Variants in TRPM3 observed in about 807,000 individuals in gnomAD.
TRPM3 encodes transient receptor potential cation channel subfamily M member 3, also known as long transient receptor potential channel 3.
Under a neutral mutation model 181.2 loss-of-function variants are expected in TRPM3, and 77 were observed. The ratio of observed to expected loss-of-function variants is 0.42; its 90% confidence interval spans 0.35 to 0.51. The LOEUF is 0.51. Among genes scored for constraint, TRPM3 ranks in the 20% least tolerant of loss-of-function variants. The probability of loss-of-function intolerance (pLI) is 0.01; values close to 1 mark genes in which losing one functional copy is unlikely to be tolerated. For missense variants in TRPM3, 1,759 were observed against 2,196.7 expected (o/e 0.80, Z 3.98); for synonymous variants, 745 against 796.4 (o/e 0.94, Z 1.09).
intron 1 of TRPM3, among the ~76,000 whole-genome samples, chr9:71,300,021 C>A (rs2086634104): frequency 6.6e-6 from 1 of 152,032 alleles, no homozygotes; most frequent in East Asian, 1.9e-4. Flanking sequence ...GATAGCATAA[C>A]CCATATGTAA....
At position 70,598,669 on chromosome 9, in the gene TRPM3, A is replaced by G; in HGVS notation, c.2798T>C (p.Ile933Thr). The change falls in exon 21 of 26, where the codon ATT (isoleucine) becomes ACT (threonine). Residue 933 changes from isoleucine to threonine, a missense_variant and splice_region_variant. This residue lies in a region of TRPM3 where 100 missense variants were observed against 123.0 expected (regional missense o/e 0.81). Transcript: ENST00000677713. ...FTLGIEKMREILMSEPGKLLQ... is the reference protein window; with the variant it reads ...FTLGIEKMRETLMSEPGKLLQ... ...CAACTTCCCTGGCTCTGACATCAGAATCTATAAGGCAGGAAGGAGAGCAGA... is the reference window on the plus strand; with the variant it reads ...CAACTTCCCTGGCTCTGACATCAGAGTCTATAAGGCAGGAAGGAGAGCAGA... The G allele has an allele frequency of 2.5e-6, 4 of 1,613,680 alleles. No individual in the cohort carries two copies. The highest frequency in any genetic ancestry group is 3.4e-6 in the Non-Finnish European group (4 of 1,179,680).
intron 1 of TRPM3, among the ~76,000 whole-genome samples, chr9:71,262,178 C>T (rs1260588128): frequency 1.3e-5 from 2 of 152,210 alleles, no homozygotes; most frequent in Admixed American, 1.3e-4. Context: ...GATACCCAGA[C>T]TGGGGCTGCT....
intron 1 of TRPM3, among the ~76,000 whole-genome samples, chr9:71,188,836 C>T (rs1000352156): frequency 3.3e-5 from 5 of 151,836 alleles, no homozygotes; most frequent in South Asian, 4.2e-4. Flanking sequence ...ATATCTATCT[C>T]TTAAAATTGA....
chr9:70,658,281 C>T (rs1293191243), intron 9 of TRPM3, among the ~76,000 whole-genome samples: 1 of 152,020 alleles, frequency 6.6e-6, no homozygotes, highest in East Asian at 1.9e-4. Flanking sequence ...TTACAATGAC[C>T]TGTGATATCA....
At chr9:70,578,637 G>C (rs13301601) in intron 22 of TRPM3, among the ~76,000 whole-genome samples, 7,120 of 152,308 alleles carry the variant, frequency 0.047, 314 homozygotes, top group East Asian at 0.15. Flanking sequence ...ACCCTGTAAG[G>C]GATGATCAAT....
chr9:70,642,006 C>T (rs1268606563), intron 9 of TRPM3, among the ~76,000 whole-genome samples: 3 of 152,198 alleles, frequency 2.0e-5, no homozygotes, highest in African/African-American at 7.2e-5. Flanking sequence ...ACAGGTTTTT[C>T]ACAGTTCACC....
intron 1 of TRPM3, among the ~76,000 whole-genome samples, chr9:71,370,335 T>G (rs937952417): frequency 7.2e-5 from 11 of 152,292 alleles, no homozygotes; most frequent in African/African-American, 2.6e-4. Context: ...AAGCTAGGCC[T>G]CCTGGCCAGT....
intron 1 of TRPM3, among the ~76,000 whole-genome samples, chr9:70,945,047 T>G (rs1040914541): frequency 6.6e-6 from 1 of 152,234 alleles, no homozygotes; most frequent in African/African-American, 2.4e-5. Flanking sequence ...AAAGCCATCA[T>G]GACTAATTAA....
intron 1 of TRPM3, among the ~76,000 whole-genome samples, chr9:71,270,193 T>G (rs544264715): frequency 6.6e-6 from 1 of 152,068 alleles, no homozygotes; most frequent in Non-Finnish European, 1.5e-5. Context: ...CTACTAAAAA[T>G]GCAAAAATTA....
chr9:70,791,691 T>C (rs1465385080), intron 6 of TRPM3, among the ~76,000 whole-genome samples: 1 of 152,158 alleles, frequency 6.6e-6, no homozygotes, highest in Non-Finnish European at 1.5e-5. Flanking sequence ...ACTGAAAATA[T>C]AGAGTTTGGA....
chr9:70,845,052 G>A (rs988434714), intron 4 of TRPM3, among the ~76,000 whole-genome samples: 2 of 152,064 alleles, frequency 1.3e-5, no homozygotes, highest in Admixed American at 1.3e-4. Context: ...TCAGTGTATG[G>A]GCTGAGTCAG....
intron 1 of TRPM3, among the ~76,000 whole-genome samples, chr9:71,077,381 T>C (rs1462941830): frequency 6.6e-6 from 1 of 152,186 alleles, no homozygotes; most frequent in African/African-American, 2.4e-5. Flanking sequence ...TTCGCAAAAC[T>C]CTTTCTCTAA....
intron 1 of TRPM3, among the ~76,000 whole-genome samples, chr9:71,280,335 T>G (rs888593406): frequency 6.6e-6 from 1 of 152,156 alleles, no homozygotes; most frequent in Admixed American, 6.5e-5. Context: ...TGAAATTTTG[T>G]TTAAACAGAA....
In TRPM3 at chr9:71,442,790, ATTT is replaced by A. The variant is rs1301368253; in HGVS notation, c.183+3860_183+3862del. Among the ~76,000 whole-genome samples, 35 of 152,360 alleles carry A rather than the reference ATTT, an allele frequency of 2.3e-4. No homozygotes were observed. The South Asian group carries it at 6.6e-3, about 29-fold the overall frequency. The stretch of plus-strand genomic sequence containing the variant: ...ACACATGCTGTGGTGAGCAGCTGAC[ATTT>A]GTAATGCGAGACAGCACTTGCTGAA... On this transcript the variant is annotated intron_variant, in intron 1 of 24. Coordinates refer to the TRPM3 transcript ENST00000357533.
At chr9:70,764,440 C>T (rs1426188354) in intron 7 of TRPM3, among the ~76,000 whole-genome samples, 1 of 152,130 alleles carries the variant, frequency 6.6e-6, no homozygotes, top group Non-Finnish European at 1.5e-5. Flanking sequence ...GTAATGAAAT[C>T]CCAGCTCCCC....
chr9:71,428,987 A>G (rs1297158848), intron 1 of TRPM3, among the ~76,000 whole-genome samples: 1 of 150,252 alleles, frequency 6.7e-6, no homozygotes, highest in Non-Finnish European at 1.5e-5. Context: ...CTTTTTATCT[A>G]GATATAAAGA....
intron 8 of TRPM3, among the ~76,000 whole-genome samples, chr9:70,758,353 A>G (rs1412987910): frequency 2.0e-5 from 3 of 152,228 alleles, no homozygotes; most frequent in African/African-American, 7.2e-5. Context: ...ATGGAAAAAC[A>G]TTCCATGCTC....
At chr9:70,693,886 C>CTGAT (rs1264178787) in intron 8 of TRPM3, among the ~76,000 whole-genome samples, 2 of 152,220 alleles carry the variant, frequency 1.3e-5, no homozygotes, top group Non-Finnish European at 2.9e-5. Flanking sequence ...TTCGGATTTT[C>CTGAT]TGATTACTTT....
chr9:70,977,779 G>T (rs1354387589), intron 1 of TRPM3, among the ~76,000 whole-genome samples: 2 of 152,172 alleles, frequency 1.3e-5, no homozygotes, highest in Non-Finnish European at 2.9e-5. Flanking sequence ...TTGTTAGAAA[G>T]AACACAACTC....
Sources: gnomAD v4.1 joint callset for allele counts (sites outside exome capture counted in the v4.1 genomes callset) on GRCh38, gnomAD v4.1.1 for gene constraint, gnomAD v4.1.1 regional missense constraint, MANE v1.5 for transcripts, NCBI Gene and HGNC (gene_info 2026-07-23, HGNC 2026-07-21) for gene names.